Variants in LEF1 observed in about 807,000 individuals in gnomAD.
LEF1 encodes the protein lymphoid enhancer binding factor 1, also known as lymphoid enhancer-binding factor 1.
LEF1 carries 14 observed loss-of-function variants against 51.2 expected under a neutral mutation model. The ratio of observed to expected loss-of-function variants is 0.27; its 90% CI spans 0.18 to 0.43. The LOEUF (loss-of-function observed/expected upper bound fraction) is 0.43. Among genes scored for constraint, LEF1 ranks in the 20% least tolerant of loss-of-function variants. The pLI, the probability that LEF1 is intolerant of heterozygous loss-of-function variation, is 1.00. For missense variants in LEF1, 386 were observed against 512.0 expected (o/e 0.75, Z 2.37); for synonymous variants, 185 against 183.2 (o/e 1.01, Z -0.08).
chr4:108,049,014 G>A (rs935630084), intron 11 of LEF1, among the ~76,000 whole-genome samples: 5 of 152,084 alleles, frequency 3.3e-5, no homozygotes, highest in Non-Finnish European at 5.9e-5. Context: ...AATACTCTGG[G>A]TCATGGTAAA....
intron 3 of LEF1, among the ~76,000 whole-genome samples, chr4:108,119,658 T>C (rs1742042007): frequency 6.6e-6 from 1 of 152,136 alleles, no homozygotes; most frequent in East Asian, 1.9e-4. Flanking sequence ...CCCATCACGA[T>C]AGCCTTCATT....
At chr4:108,098,981 G>T (rs960146584) in intron 3 of LEF1, among the ~76,000 whole-genome samples, 24 of 152,254 alleles carry the variant, frequency 1.6e-4, no homozygotes, top group Admixed American at 3.3e-4. Flanking sequence ...GTCCAATATG[G>T]TAGCCATTAG....
At chr4:108,101,937 G>C (rs1301139367) in intron 3 of LEF1, among the ~76,000 whole-genome samples, 3 of 151,994 alleles carry the variant, frequency 2.0e-5, no homozygotes, top group East Asian at 1.9e-4. Flanking sequence ...GCATGCGCCT[G>C]TAGTCCCAGC....
chr4:108,163,982 T>C (rs767057040), intron 2 of LEF1, among the ~76,000 whole-genome samples: 2 of 152,212 alleles, frequency 1.3e-5, no homozygotes, highest in Non-Finnish European at 1.5e-5. Context: ...CCATCTAACT[T>C]AATTTGTTCT....
rs199604232 is a variant in LEF1, at chr4:108,057,337, TA to T, written c.*6+6285del. ...TAAGAATCTGGCTTTGTTTTCTAAC[TA>T]AACATAACCCAGCAGCTCACTGATA... On this transcript the variant is annotated intron_variant, in intron 11 of 11. Transcript: ENST00000265165. 4.6e-3 allele frequency among the ~76,000 whole-genome samples: 698 copies of T among 152,224 alleles called. 8 individuals are homozygous for T. Among genetic ancestry groups the T allele is most frequent in the African/African-American group, 0.016 (658 of 41,526 alleles).
At chr4:108,083,200 T>G in intron 5 of LEF1, 156 bp downstream of exon 5, 1 of 640,960 alleles carries the variant, frequency 1.6e-6, no homozygotes, top group Non-Finnish European at 2.8e-6. Context: ...TTTTTTAATC[T>G]TTTAAATTGA....
intron 8 of LEF1, among the ~76,000 whole-genome samples, chr4:108,075,056 G>A (rs542198667): frequency 6.6e-5 from 10 of 152,264 alleles, no homozygotes; most frequent in African/African-American, 1.9e-4. Context: ...TTTTTAAGGC[G>A]GAGTTCTTCC....
intron 3 of LEF1, among the ~76,000 whole-genome samples, chr4:108,092,923 A>G (rs1578333330): frequency 1.5e-5 from 2 of 135,616 alleles, no homozygotes; most frequent in African/African-American, 5.8e-5. Context: ...TATGTAAAAA[A>G]AAAAAAAAAA....
intron 11 of LEF1, among the ~76,000 whole-genome samples, chr4:108,052,932 A>G (rs1737096167): frequency 6.6e-6 from 1 of 152,222 alleles, no homozygotes; most frequent in South Asian, 2.1e-4. Context: ...ACTTACAGAT[A>G]AGGACACTGA....
chr4:108,079,491 C>A lies in LEF1; in HGVS notation c.845+1G>T. 6.2e-7 allele frequency: 1 copy of A among 1,614,114 alleles called. No homozygotes were observed. Among genetic ancestry groups the A allele is most frequent in the Non-Finnish European group, 8.5e-7 (1 of 1,179,986 alleles). On this transcript the variant is annotated splice_donor_variant, in intron 7 of 11. Coordinates refer to ENST00000265165, the MANE Select transcript of LEF1 (RefSeq NM_016269.5). LOFTEE classifies it high-confidence loss of function. ...ACAGCAGAGCCCGGGTGGATACTTA[C>A]ACGTGCATTAGGTCACTGTCAGTGT...
At chr4:108,155,877 A>T (rs1381588939) in intron 3 of LEF1, among the ~76,000 whole-genome samples, 2 of 152,222 alleles carry the variant, frequency 1.3e-5, no homozygotes, top group Non-Finnish European at 2.9e-5. Context: ...ATTAAGGCTC[A>T]AAAATTTTGT....
intron 9 of LEF1, among the ~76,000 whole-genome samples, chr4:108,068,749 G>A (rs1738255869): frequency 1.3e-5 from 2 of 152,170 alleles, no homozygotes; most frequent in South Asian, 4.1e-4. Flanking sequence ...AAGTTTCCAT[G>A]TGTGCATGAC....
chr4:108,065,477 G>C (rs1445758647), intron 9 of LEF1, among the ~76,000 whole-genome samples: 1 of 152,176 alleles, frequency 6.6e-6, no homozygotes, highest in Non-Finnish European at 1.5e-5. Context: ...GCCACAGAGT[G>C]AGACTCCATC....
At chr4:108,156,188 T>C (rs1744686478) in intron 3 of LEF1, among the ~76,000 whole-genome samples, 1 of 152,224 alleles carries the variant, frequency 6.6e-6, no homozygotes, top group Non-Finnish European at 1.5e-5. Flanking sequence ...ATTAGGTTTC[T>C]AGGACCTAAC....
chr4:108,165,359 A>G (rs766898146), intron 1 of LEF1, 196 bp from the exon 2 acceptor site: 3 of 530,212 alleles, frequency 5.7e-6, no homozygotes, highest in Non-Finnish European at 1.0e-5. Context: ...TTGAGTGATT[A>G]TTATCCACCC....
intron 3 of LEF1, among the ~76,000 whole-genome samples, chr4:108,126,869 A>G (rs866104358): frequency 3.4e-5 from 5 of 146,538 alleles, no homozygotes; most frequent in African/African-American, 1.0e-4. Context: ...ATTTACTGAT[A>G]TGTGTGTGTG....
At position 108,137,963 on chromosome 4, in the gene LEF1, G is replaced by T. The variant is rs142365336; in HGVS notation, c.414+25605C>A. 4.9e-3 allele frequency among the ~76,000 whole-genome samples: 749 copies of T among 152,266 alleles called. 2 individuals are homozygous for T. The highest frequency in any genetic ancestry group is 0.017 in the African/African-American group (710 of 41,576). ...AAGACTAGGGAAAAATGTGAACTAT[G>T]ATTTTGCTTTCCTAAATTCCAAATT... On this transcript the variant is annotated intron_variant, in intron 3 of 11. Transcript: ENST00000265165.
chr4:108,132,562 A>G (rs1468176931), intron 3 of LEF1, among the ~76,000 whole-genome samples: 1 of 151,756 alleles, frequency 6.6e-6, no homozygotes, highest in Non-Finnish European at 1.5e-5. Flanking sequence ...ACTAGCCTGC[A>G]TCAGAATCAC....
chr4:108,104,561 A>C, intron 3 of LEF1: 1 of 235,440 alleles, frequency 4.2e-6, no homozygotes, highest in Non-Finnish European at 6.9e-6. Context: ...TGACAGGGGA[A>C]TTCCAGCAAG....
Sources: gnomAD v4.1 joint callset for allele counts (sites outside exome capture counted in the v4.1 genomes callset) on GRCh38, gnomAD v4.1.1 for gene constraint, MANE v1.5 for transcripts, NCBI Gene and HGNC (gene_info 2026-07-23, HGNC 2026-07-21) for gene names.